The following STOX2 variants were observed in gnomAD, a reference collection of about 807,000 sequenced individuals.
STOX2 encodes storkhead-box protein 2.
STOX2 carries 28 observed loss-of-function variants against 60.9 expected under a neutral mutation model. The ratio of observed to expected loss-of-function variants is 0.46; its 90% CI spans 0.34 to 0.63. STOX2 has a LOEUF of 0.63. Ranked by LOEUF, STOX2 falls within the 30% of genes least tolerant of loss-of-function variation. STOX2 has a pLI of 0.01. For synonymous variants in STOX2, 472 were observed against 463.9 expected, an observed-to-expected ratio of 1.02 and a Z score of -0.22; for missense variants, 1,024 against 1,187.7, an observed-to-expected ratio of 0.86 and a Z score of 2.03.
intron 1 of STOX2, among the ~76,000 whole-genome samples, chr4:183,908,913 G>T (rs1455663432): frequency 2.0e-5 from 3 of 152,174 alleles, no homozygotes; most frequent in Admixed American, 2.0e-4. Flanking sequence ...TTTATGGCGT[G>T]CCCCCAAAGA....
chr4:183,914,414 G>T (rs1035086068), intron 1 of STOX2, among the ~76,000 whole-genome samples: 1 of 152,178 alleles, frequency 6.6e-6, no homozygotes, highest in Non-Finnish European at 1.5e-5. Context: ...CTCCAGCCTG[G>T]TTGACAGAAG....
intron 1 of STOX2, among the ~76,000 whole-genome samples, chr4:183,861,722 G>A (rs142287267): frequency 6.6e-6 from 1 of 152,156 alleles, no homozygotes; most frequent in Non-Finnish European, 1.5e-5. Context: ...AAAGTGCCTC[G>A]CAGGGCGTAG....
chr4:183,823,460 C>G (rs942507283), intron 1 of STOX2, among the ~76,000 whole-genome samples: 1 of 152,212 alleles, frequency 6.6e-6, no homozygotes, highest in Admixed American at 6.5e-5. Flanking sequence ...CAACAGCTGG[C>G]TGTCCAGAAG....
At chr4:183,914,353 C>T (rs531117177) in intron 1 of STOX2, among the ~76,000 whole-genome samples, 1 of 152,102 alleles carries the variant, frequency 6.6e-6, no homozygotes, top group Non-Finnish European at 1.5e-5. Flanking sequence ...GGAAGGATCA[C>T]CTGAGCCTGG....
At position 184,010,344 on chromosome 4, in the gene STOX2, T is replaced by C; in HGVS notation, c.1506T>C (p.Gly502=). 7 of 1,610,044 alleles carry C rather than the reference T, an allele frequency of 4.3e-6. No individual in the cohort carries two copies. Among genetic ancestry groups the C allele is most frequent in the Non-Finnish European group, 5.9e-6 (7 of 1,178,154 alleles). The change falls in exon 3 of 4, where the codon GGT becomes GGC. Residue 502 remains glycine, a synonymous_variant. Transcript: ENST00000308497. The surrounding 1 kb of genome is among the most constrained non-coding windows in gnomAD (Gnocchi z 4.5). The part of the protein sequence containing the change: ...RSMDNSKGPL[G]ASSLGTPEDL... ...TGGATAACTCCAAAGGCCCTCTGGG[T>C]GCTTCTTCTCTAGGGACGCCGGAAG...
intron 1 of STOX2, among the ~76,000 whole-genome samples, chr4:183,878,977 A>G (rs530046162): frequency 6.6e-6 from 1 of 151,606 alleles, no homozygotes; most frequent in African/African-American, 2.4e-5. Context: ...AATCTGCACA[A>G]TGGTGTCTGT....
chr4:183,883,806 C>T lies in STOX2; in HGVS notation c.364+85751C>T, dbSNP rs188247202. On this transcript the variant is annotated intron_variant, in intron 1 of 2. Coordinates refer to the STOX2 transcript ENST00000513034. ...ATTAATGAAGAATTTGCTAGATAGTCGCTTAATTTTGGAGTGTTTTCTCTT... is the reference window on the plus strand; with the variant it reads ...ATTAATGAAGAATTTGCTAGATAGTTGCTTAATTTTGGAGTGTTTTCTCTT... Among the ~76,000 whole-genome samples the T allele has an allele frequency of 9.2e-5, 14 of 151,706 alleles. 1 individual carries two copies. In the East Asian group the frequency reaches 1.9e-3, roughly 21 times the overall value.
intron 1 of STOX2, among the ~76,000 whole-genome samples, chr4:183,960,017 C>T (rs1743366140): frequency 6.6e-6 from 1 of 152,118 alleles, no homozygotes; most frequent in South Asian, 2.1e-4. Context: ...ATCCAACATG[C>T]AAAACATAGT....
At position 184,001,483 on chromosome 4, in the gene STOX2, G is replaced by T; in HGVS notation, c.319+6G>T. On this transcript the variant is annotated splice_donor_region_variant and intron_variant, in intron 2 of 3. Coordinates refer to ENST00000308497, the MANE Select transcript of STOX2 (RefSeq NM_020225.3). The surrounding 1 kb of genome is among the most constrained non-coding windows in gnomAD (Gnocchi z 4.2). ...CCTGACCACGTGCTTCCCAGGTAAC[G>T]AGGCGGGAACGTAGCACTTTCCAGG... 1 of 1,613,412 alleles carries T rather than the reference G, an allele frequency of 6.2e-7. No homozygotes were observed. Among genetic ancestry groups the T allele is most frequent in the Non-Finnish European group, 8.5e-7 (1 of 1,179,710 alleles).
intron 1 of STOX2, among the ~76,000 whole-genome samples, chr4:183,945,629 A>G (rs1353370115): frequency 6.6e-6 from 1 of 152,202 alleles, no homozygotes; most frequent in Non-Finnish European, 1.5e-5. Flanking sequence ...TTCTGTGAAA[A>G]CAAAGCAGGT....
Position 184,001,240 on chromosome 4 carries a change from G to T in STOX2, c.167-85G>T, listed in dbSNP as rs372122487. On this transcript the variant is annotated intron_variant, in intron 1 of 3. Transcript: ENST00000308497. This position sits in a 1 kb window ranked among gnomAD's most constrained non-coding sequence, Gnocchi z 4.2. ...GAGCTGACTGTGTTCGTCAGACCAG[G>T]GCCAGATGGACGCGTGAAGGCGTGT... 1 of 1,375,326 alleles carries T rather than the reference G, an allele frequency of 7.3e-7. No individual in the cohort carries two copies. The highest frequency in any genetic ancestry group is 1.4e-5 in the African/African-American group (1 of 70,756). 85.2% of individuals were successfully genotyped at this position (1,375,326 alleles called of 1,614,324 possible).
At chr4:183,873,461 A>AG (rs1000055244) in intron 1 of STOX2, among the ~76,000 whole-genome samples, 1 of 151,516 alleles carries the variant, frequency 6.6e-6, no homozygotes, top group Non-Finnish European at 1.5e-5. Context: ...AAAAAAAAAA[A>AG]AAAGGGAGGA....
intron 1 of STOX2, among the ~76,000 whole-genome samples, chr4:183,917,277 C>T (rs973175921): frequency 6.6e-6 from 1 of 152,222 alleles, no homozygotes; most frequent in Non-Finnish European, 1.5e-5. Flanking sequence ...GATCGGTAAT[C>T]GTGACCCACT....
At chr4:183,831,049 A>G (rs573399935) in intron 1 of STOX2, among the ~76,000 whole-genome samples, 2 of 152,002 alleles carry the variant, frequency 1.3e-5, no homozygotes, top group Admixed American at 6.6e-5. Context: ...GCCAAGCACT[A>G]CATGGGACCG....
In STOX2 at chr4:183,906,617, G is replaced by T; in HGVS notation, c.-174G>T. On this transcript the variant is annotated 5_prime_UTR_variant, in exon 1 of 4. Transcript: ENST00000308497. The stretch of plus-strand genomic sequence containing the variant: ...CGGAGCCTTCGCCGTGGGGGTGTGG[G>T]GGGGCGTGGGGAGGGCCGGACCCGC... 1.6e-6 allele frequency: 1 copy of T among 625,658 alleles called. No homozygotes were observed. The highest frequency in any genetic ancestry group is 2.7e-6 in the Non-Finnish European group (1 of 372,254). The allele number at this position is 625,658 out of a possible 1,614,324, so 38.8% of individuals were successfully genotyped here. A position where few individuals can be genotyped will look rare whatever the true frequency, so the allele number is the denominator to read the frequency against.
At chr4:183,827,453 C>T (rs1579308982) in intron 1 of STOX2, among the ~76,000 whole-genome samples, 1 of 151,956 alleles carries the variant, frequency 6.6e-6, no homozygotes, top group African/African-American at 2.4e-5. Flanking sequence ...GATCATACCA[C>T]TGCACTCCAG....
chr4:183,952,746 G>C (rs943436643), intron 1 of STOX2, among the ~76,000 whole-genome samples: 21 of 152,194 alleles, frequency 1.4e-4, no homozygotes, highest in Non-Finnish European at 2.4e-4. Flanking sequence ...AAACAAAGTT[G>C]CACCATTTTC....
In STOX2 at chr4:184,011,262, G is replaced by A. The variant is rs149041669; in HGVS notation, c.2424G>A (p.Arg808=). 672 of 1,613,704 alleles carry A rather than the reference G, an allele frequency of 4.2e-4. 4 individuals are homozygous for A. The African/African-American group carries it at 8.3e-3, about 20-fold the overall frequency. The part of the protein sequence containing the change: ...DVGTMQWLLE[R]EKERDLQRKF... ...GCACCATGCAGTGGCTCCTCGAGCGGGAGAAGGAAAGAGACTTGCAGAGGA... is the reference window on the plus strand; with the variant it reads ...GCACCATGCAGTGGCTCCTCGAGCGAGAGAAGGAAAGAGACTTGCAGAGGA... The change falls in exon 3 of 4, where the codon CGG becomes CGA. Residue 808 remains arginine (R), a synonymous_variant. Coordinates refer to ENST00000308497, the MANE Select transcript of STOX2 (RefSeq NM_020225.3). The surrounding 1 kb of genome is among the most constrained non-coding windows in gnomAD (Gnocchi z 4.4).
chr4:183,874,065 G>A (rs773955312), intron 1 of STOX2, among the ~76,000 whole-genome samples: 42 of 152,194 alleles, frequency 2.8e-4, no homozygotes, highest in Admixed American at 9.2e-4. Context: ...CCATAAGTAA[G>A]TGGCGAGCGG....
Sources: allele counts gnomAD v4.1 joint callset (sites outside exome capture counted in the v4.1 genomes callset), GRCh38; gene constraint gnomAD v4.1.1; non-coding constraint Gnocchi (gnomAD v3.1); transcripts MANE v1.5; gene names NCBI Gene and HGNC (gene_info 2026-07-23, HGNC 2026-07-21).